The following CNTNAP2 variants were observed in gnomAD, a reference collection of about 807,000 sequenced individuals.
The protein encoded by CNTNAP2 is contactin associated protein 2.
Under a neutral mutation model 155.2 loss-of-function variants are expected in CNTNAP2, and 98 were observed. The observed-to-expected ratio is 0.63, with a 90% CI of 0.54 to 0.75. The LOEUF (loss-of-function observed/expected upper bound fraction) is 0.75. Among genes scored for constraint, CNTNAP2 ranks in the 30% least tolerant of loss-of-function variants. The pLI, the probability that CNTNAP2 is intolerant of heterozygous loss-of-function variation, is 0.00. For missense variants in CNTNAP2, 1,727 were observed against 1,688.1 expected (o/e 1.02, Z -0.40); for synonymous variants, 651 against 631.2 (o/e 1.03, Z -0.47).
At chr7:147,851,424 A>G (rs1308722784) in intron 13 of CNTNAP2, among the ~76,000 whole-genome samples, 1 of 152,156 alleles carries the variant, frequency 6.6e-6, no homozygotes, top group African/African-American at 2.4e-5. Context: ...ATTACTGGGT[A>G]TATACCCAAA....
At chr7:146,184,588 C>A (rs1798596605) in intron 1 of CNTNAP2, among the ~76,000 whole-genome samples, 1 of 152,134 alleles carries the variant, frequency 6.6e-6, no homozygotes, top group Admixed American at 6.6e-5. Flanking sequence ...TCAGGCTCAG[C>A]TAAATACCAT....
rs909787836 is a variant in CNTNAP2, at chr7:147,619,906, C to G, written c.1898-19200C>G. 3.3e-5 allele frequency among the ~76,000 whole-genome samples: 5 copies of G among 152,268 alleles called. No homozygotes were observed. The East Asian group carries it at 7.7e-4, about 24-fold the overall frequency. The stretch of plus-strand genomic sequence containing the variant: ...AGTCCTGTGCTGGCTTTAGATCTGA[C>G]CCAGCACAATCCTAGTGGTGGTGGC... On this transcript the variant is annotated intron_variant, in intron 12 of 23. Coordinates refer to ENST00000361727, the MANE Select transcript of CNTNAP2 (RefSeq NM_014141.6).
At chr7:148,246,154 C>T (rs1271603645) in intron 20 of CNTNAP2, among the ~76,000 whole-genome samples, 3 of 152,216 alleles carry the variant, frequency 2.0e-5, no homozygotes, top group East Asian at 3.8e-4. Flanking sequence ...ATGTGGTTAT[C>T]AGTCCTCTGA....
intron 21 of CNTNAP2, among the ~76,000 whole-genome samples, chr7:148,332,761 C>T (rs1362002184): frequency 1.3e-5 from 2 of 152,204 alleles, no homozygotes; most frequent in Admixed American, 6.5e-5. Context: ...ATTTATCTGC[C>T]TCTCAGGCTG....
intron 15 of CNTNAP2, among the ~76,000 whole-genome samples, chr7:148,004,232 T>C (rs1801938887): frequency 1.3e-5 from 2 of 152,176 alleles, no homozygotes. Flanking sequence ...TCTCAAATTC[T>C]TTCAGAATTA....
chr7:146,308,572 C>T (rs1028634901), intron 1 of CNTNAP2, among the ~76,000 whole-genome samples: 2 of 151,348 alleles, frequency 1.3e-5, no homozygotes, highest in Non-Finnish European at 3.0e-5. Flanking sequence ...AGACTTGGAA[C>T]CAACCCAAAC....
chr7:147,083,979 C>CT lies in CNTNAP2; in HGVS notation c.551-24168_551-24167insT, dbSNP rs1563070710. The stretch of plus-strand genomic sequence containing the variant: ...ATATAGCATTATATATGTGTATACA[C>CT]ATATATGTATATATAATACATATAT... On this transcript the variant is annotated intron_variant, in intron 4 of 23. Transcript: ENST00000361727. Among the ~76,000 whole-genome samples, 5 of 134,204 alleles carry CT rather than the reference C, an allele frequency of 3.7e-5. No individual in the cohort carries two copies. The East Asian group carries it at 6.7e-4, about 18-fold the overall frequency. The allele number at this position is 134,204 out of a possible 152,430, so 88.0% of individuals were successfully genotyped here.
At chr7:146,647,355 A>G (rs1459720067) in intron 1 of CNTNAP2, among the ~76,000 whole-genome samples, 1 of 122,420 alleles carries the variant, frequency 8.2e-6, no homozygotes, top group Non-Finnish European at 1.8e-5. Flanking sequence ...ATAATCTTAT[A>G]TTAGTCCATG....
intron 1 of CNTNAP2, among the ~76,000 whole-genome samples, chr7:146,669,384 T>A (rs1800256784): frequency 6.6e-6 from 1 of 152,178 alleles, no homozygotes; most frequent in Non-Finnish European, 1.5e-5. Flanking sequence ...TTAGAATTTT[T>A]CTTTTGATAG....
intron 1 of CNTNAP2, among the ~76,000 whole-genome samples, chr7:146,230,569 G>T (rs145095758): frequency 1.5e-3 from 230 of 152,264 alleles, no homozygotes; most frequent in African/African-American, 5.3e-3. Flanking sequence ...TAAAATAATT[G>T]TAGTAATTGG....
In CNTNAP2 at chr7:146,754,599, C is replaced by T. The variant is rs562132881; in HGVS notation, c.98-19672C>T. 1.3e-4 allele frequency among the ~76,000 whole-genome samples: 19 copies of T among 150,448 alleles called. No individual in the cohort carries two copies. In the East Asian group the frequency reaches 3.7e-3, roughly 30 times the overall value. On this transcript the variant is annotated intron_variant, in intron 1 of 23. Coordinates refer to ENST00000361727, the MANE Select transcript of CNTNAP2 (RefSeq NM_014141.6). ...CTCTCTTTTTAACTGAACCTGGCTG[C>T]AATAATAATACTGACCTTGACTGTG... is the stretch of plus-strand genomic sequence containing the variant.
intron 1 of CNTNAP2, among the ~76,000 whole-genome samples, chr7:146,266,202 G>A (rs1799991305): frequency 6.6e-6 from 1 of 152,114 alleles, no homozygotes; most frequent in Non-Finnish European, 1.5e-5. Context: ...AGAGACAAAG[G>A]CAATGTAAGC....
chr7:146,169,651 A>G (rs1184994694), intron 1 of CNTNAP2, among the ~76,000 whole-genome samples: 1 of 148,454 alleles, frequency 6.7e-6, no homozygotes, highest in African/African-American at 2.5e-5. Flanking sequence ...CCTGACAACC[A>G]CCCTTCTTCT....
At chr7:146,659,916 C>T (rs536095557) in intron 1 of CNTNAP2, among the ~76,000 whole-genome samples, 4 of 152,242 alleles carry the variant, frequency 2.6e-5, no homozygotes, top group East Asian at 1.9e-4. Flanking sequence ...TGAAGGATGG[C>T]GGCTGGCCAG....
intron 3 of CNTNAP2, among the ~76,000 whole-genome samples, chr7:147,025,681 TA>T (rs1317861535): frequency 1.3e-5 from 2 of 151,942 alleles, no homozygotes; most frequent in Non-Finnish European, 2.9e-5. Context: ...TATGTGAGTC[TA>T]AAATTATTTC....
chr7:147,180,773 T>A (rs967622499), intron 8 of CNTNAP2, among the ~76,000 whole-genome samples: 1 of 152,172 alleles, frequency 6.6e-6, no homozygotes, highest in Non-Finnish European at 1.5e-5. Flanking sequence ...TACGCTGTAC[T>A]GATTGAAATG....
intron 8 of CNTNAP2, among the ~76,000 whole-genome samples, chr7:147,294,745 A>T (rs938175978): frequency 6.6e-6 from 1 of 151,686 alleles, no homozygotes; most frequent in Non-Finnish European, 1.5e-5. Context: ...TGCAACCTCC[A>T]CATCCCGGGT....
chr7:146,678,708 A>T (rs935711610), intron 1 of CNTNAP2, among the ~76,000 whole-genome samples: 1 of 152,182 alleles, frequency 6.6e-6, no homozygotes, highest in Non-Finnish European at 1.5e-5. Flanking sequence ...CATCTAATTA[A>T]TTCATACATT....
chr7:147,464,996 G>A (rs1332934952), intron 10 of CNTNAP2, among the ~76,000 whole-genome samples: 8 of 152,162 alleles, frequency 5.3e-5, no homozygotes, highest in Admixed American at 4.6e-4. Flanking sequence ...GTAAAATCAT[G>A]TCCTTTGCAG....
Sources: gnomAD v4.1 joint callset for allele counts (sites outside exome capture counted in the v4.1 genomes callset) on GRCh38, gnomAD v4.1.1 for gene constraint, MANE v1.5 for transcripts, NCBI Gene and HGNC (gene_info 2026-07-23, HGNC 2026-07-21) for gene names.